The following BICC1 variants were observed in gnomAD, a reference collection of about 807,000 sequenced individuals.
The protein encoded by BICC1 is BicC family RNA binding protein 1.
Under a neutral mutation model 111.0 loss-of-function variants are expected in BICC1, and 43 were observed. The ratio of observed to expected loss-of-function variants is 0.39; its 90% CI spans 0.30 to 0.50. The LOEUF is 0.50. Ranked by LOEUF, BICC1 falls within the 20% of genes least tolerant of loss-of-function variation. The pLI, the probability that BICC1 is intolerant of heterozygous loss-of-function variation, is 0.88. For missense variants in BICC1, 1,091 were observed against 1,203.2 expected (o/e 0.91, Z 1.38); for synonymous variants, 467 against 434.4 (o/e 1.07, Z -0.93).
intron 1 of BICC1, among the ~76,000 whole-genome samples, chr10:58,584,403 G>T (rs1346982948): frequency 6.6e-6 from 1 of 152,078 alleles, no homozygotes; most frequent in East Asian, 1.9e-4. Context: ...GGCCGGTTCT[G>T]GTGCCTCCTA....
chr10:58,601,446 A>C (rs930310896), intron 1 of BICC1, among the ~76,000 whole-genome samples: 3 of 151,668 alleles, frequency 2.0e-5, no homozygotes, highest in Non-Finnish European at 1.5e-5. Context: ...ATGTTTGAAA[A>C]AGTGTCTATA....
At chr10:58,793,396 A>T in intron 8 of BICC1, 88 bp from the exon 9 acceptor site, 2 of 1,208,766 alleles carry the variant, frequency 1.7e-6, no homozygotes, top group Non-Finnish European at 2.3e-6. Flanking sequence ...TCTGTAAAAT[A>T]GTGCATTATT....
intron 2 of BICC1, among the ~76,000 whole-genome samples, chr10:58,674,410 A>G (rs1026765075): frequency 1.2e-4 from 19 of 152,082 alleles, no homozygotes; most frequent in Non-Finnish European, 5.9e-5. Context: ...ATGAGACAAT[A>G]TATTTCTTTG....
intron 3 of BICC1, among the ~76,000 whole-genome samples, chr10:58,704,667 C>G (rs1840337972): frequency 6.6e-6 from 1 of 152,100 alleles, no homozygotes; most frequent in African/African-American, 2.4e-5. Flanking sequence ...TATTATTATT[C>G]AAGAGACCCA....
At chr10:58,769,033 A>G (rs1842536814) in intron 3 of BICC1, among the ~76,000 whole-genome samples, 1 of 152,090 alleles carries the variant, frequency 6.6e-6, no homozygotes, top group African/African-American at 2.4e-5. Flanking sequence ...GAAATAAACC[A>G]GACACAAACA....
At chr10:58,514,442 C>T (rs1156467462) in intron 1 of BICC1, among the ~76,000 whole-genome samples, 1 of 152,168 alleles carries the variant, frequency 6.6e-6, no homozygotes, top group Non-Finnish European at 1.5e-5. Context: ...CAATGCATCG[C>T]AGTATGGGAA....
intron 3 of BICC1, among the ~76,000 whole-genome samples, chr10:58,758,437 C>T (rs552681442): frequency 3.3e-5 from 5 of 152,306 alleles, no homozygotes; most frequent in African/African-American, 1.2e-4. Context: ...TATTAAATCA[C>T]TGCCATGAGT....
intron 1 of BICC1, among the ~76,000 whole-genome samples, chr10:58,571,375 C>T (rs1649037): frequency 0.46 from 69,539 of 151,952 alleles, 16,997 homozygotes; most frequent in Admixed American, 0.62. Context: ...GCAGGATGCA[C>T]AGGTTTGTTA....
At chr10:58,685,492 G>A (rs972698788) in intron 2 of BICC1, among the ~76,000 whole-genome samples, 2 of 152,084 alleles carry the variant, frequency 1.3e-5, no homozygotes, top group African/African-American at 2.4e-5. Flanking sequence ...TTATTATTTT[G>A]TGGGAGTCTA....
chr10:58,520,172 C>T (rs1428126132), intron 1 of BICC1, among the ~76,000 whole-genome samples: 1 of 152,098 alleles, frequency 6.6e-6, no homozygotes, highest in Non-Finnish European at 1.5e-5. Flanking sequence ...ATTCTTAGTT[C>T]GTTTTAAGAT....
intron 9 of BICC1, among the ~76,000 whole-genome samples, chr10:58,794,422 T>G (rs959657733): frequency 1.7e-5 from 2 of 117,982 alleles, no homozygotes; most frequent in African/African-American, 4.5e-5. Context: ...GAATAAATGT[T>G]TTTTTTTTTT....
At chr10:58,649,145 G>A (rs1838362664) in intron 2 of BICC1, among the ~76,000 whole-genome samples, 1 of 152,194 alleles carries the variant, frequency 6.6e-6, no homozygotes, top group South Asian at 2.1e-4. Flanking sequence ...ATAAAGGCGA[G>A]TAGATGATCT....
intron 3 of BICC1, among the ~76,000 whole-genome samples, chr10:58,756,038 A>G (rs987351284): frequency 3.3e-5 from 5 of 151,732 alleles, no homozygotes; most frequent in African/African-American, 1.2e-4. Context: ...TTCTTTATAC[A>G]TTTGCCTCTT....
chr10:58,726,179 T>C (rs887324877), intron 3 of BICC1, among the ~76,000 whole-genome samples: 4 of 152,200 alleles, frequency 2.6e-5, no homozygotes, highest in African/African-American at 9.6e-5. Context: ...AAGTTAAAAA[T>C]GAGACCAGAT....
rs12262928 is a variant in BICC1, at chr10:58,644,970, A to G, written c.237+24069A>G. 2.1e-3 allele frequency among the ~76,000 whole-genome samples: 316 copies of G among 152,260 alleles called. 1 individual carries two copies. The highest frequency in any genetic ancestry group is 7.3e-3 in the African/African-American group (305 of 41,556). On this transcript the variant is annotated intron_variant, in intron 2 of 20. Coordinates refer to ENST00000373886, the MANE Select transcript of BICC1 (RefSeq NM_001080512.3). ...GGTCATCAAATAGTATTATGTTCAC[A>G]TTCTAAAAGGTTTAGTCTGTGTCTA...
intron 3 of BICC1, among the ~76,000 whole-genome samples, chr10:58,755,430 G>A (rs1842117869): frequency 6.6e-6 from 1 of 152,130 alleles, no homozygotes; most frequent in South Asian, 2.1e-4. Context: ...TGTGATTTTA[G>A]TTTACATTTA....
At position 58,813,825 on chromosome 10, in the gene BICC1, TA is replaced by T. The variant is rs1368399300; in HGVS notation, c.2377-4del. ...ATTTCCTTATCTGGCTTTGTCTGTTTACAGGGCTCATCCATGTCCCTTTCAC... is the reference window on the plus strand; with the variant it reads ...ATTTCCTTATCTGGCTTTGTCTGTTTCAGGGCTCATCCATGTCCCTTTCAC... On this transcript the variant is annotated splice_region_variant and splice_polypyrimidine_tract_variant and intron_variant, in intron 17 of 20. Coordinates refer to ENST00000373886, the MANE Select transcript of BICC1 (RefSeq NM_001080512.3). 6.2e-7 allele frequency: 1 copy of T among 1,613,444 alleles called. No homozygotes were observed. The highest frequency in any genetic ancestry group is 8.5e-7 in the Non-Finnish European group (1 of 1,179,624).
At chr10:58,615,805 A>T (rs1001686495) in intron 1 of BICC1, among the ~76,000 whole-genome samples, 1 of 152,162 alleles carries the variant, frequency 6.6e-6, no homozygotes, top group African/African-American at 2.4e-5. Flanking sequence ...GTACTGCTTA[A>T]TGGGCTCTGG....
rs2132627657 is a variant in BICC1 at position 58,746,899 on chromosome 10, C to T, written c.308-38102C>T. Among the ~76,000 whole-genome samples, 3 of 152,240 alleles carry T rather than the reference C, an allele frequency of 2.0e-5. 1 individual carries two copies. The highest frequency in any genetic ancestry group is 2.0e-4 in the Admixed American group (3 of 15,282). On this transcript the variant is annotated intron_variant, in intron 3 of 20. Transcript: ENST00000373886. ...TCATTGTCTCTTAGAAAAGCGAATGCCAATAACAATAGCCATGATTCTGGC... is the reference window on the plus strand; with the variant it reads ...TCATTGTCTCTTAGAAAAGCGAATGTCAATAACAATAGCCATGATTCTGGC...
Sources: gnomAD v4.1 joint callset for allele counts (sites outside exome capture counted in the v4.1 genomes callset) on GRCh38, gnomAD v4.1.1 for gene constraint, MANE v1.5 for transcripts, NCBI Gene and HGNC (gene_info 2026-07-23, HGNC 2026-07-21) for gene names.